The following GLT8D2 variants were observed in gnomAD, a reference collection of about 807,000 sequenced individuals.
GLT8D2 encodes the protein glycosyltransferase 8 domain-containing protein 2.
A neutral mutation model predicts 44.5 loss-of-function variants in GLT8D2; 45 were observed. That is an observed-to-expected ratio of 1.01 (90% CI 0.80 to 1.30). GLT8D2 has a LOEUF of 1.30. GLT8D2 is among the 50% of genes most tolerant of loss of function. The probability of loss-of-function intolerance (pLI) is 0.00; values close to 1 mark genes in which losing one functional copy is unlikely to be tolerated. For missense variants in GLT8D2, 400 were observed against 430.4 expected, an observed-to-expected ratio of 0.93 and a Z score of 0.62; for synonymous variants, 156 against 157.2, an observed-to-expected ratio of 0.99 and a Z score of 0.06.
chr12:103,996,870 G>A (rs113971087), intron 7 of GLT8D2, 23 bp from the exon 8 acceptor site: 25 of 1,535,256 alleles, frequency 1.6e-5, no homozygotes, highest in African/African-American at 9.5e-5. Context: ...ACACCACCAA[G>A]TAAAACATTA....
Position 104,008,281 on chromosome 12 carries a change from AG to A in GLT8D2, c.113-4976del, listed in dbSNP as rs373385931. ...GACATGGACAATAAGGTTCAGGGTGAGGTGGCCTCAGATGTAGATGAGGAAC... is the reference window on the plus strand; with the variant it reads ...GACATGGACAATAAGGTTCAGGGTGAGTGGCCTCAGATGTAGATGAGGAAC... On this transcript the variant is annotated intron_variant, in intron 4 of 10. Coordinates refer to ENST00000360814, the MANE Select transcript of GLT8D2 (RefSeq NM_001384711.1). 1.8e-3 allele frequency among the ~76,000 whole-genome samples: 267 copies of A among 152,292 alleles called. 1 individual carries two copies. Among genetic ancestry groups the A allele is most frequent in the African/African-American group, 6.2e-3 (259 of 41,558 alleles).
At chr12:104,038,239 C>G (rs1880126778) in intron 1 of GLT8D2, among the ~76,000 whole-genome samples, 1 of 152,146 alleles carries the variant, frequency 6.6e-6, no homozygotes, top group African/African-American at 2.4e-5. Flanking sequence ...TGGCACAAGA[C>G]AGGGATGCCC....
In GLT8D2 at chr12:104,012,605, T is replaced by C. The variant is rs1876011159; in HGVS notation, c.112+2408A>G. The C allele has an allele frequency of 1.8e-5, 8 of 453,800 alleles. No homozygotes were observed. In the South Asian group the frequency reaches 2.3e-4, roughly 13 times the overall value. The allele number at this position is 453,800 out of a possible 1,614,324, so 28.1% of individuals were successfully genotyped here. ...GCATGAAGAGTGGAGTCAGTTCAGATGACATTTGTCTTTATGTGACTTCCT... is the reference window on the plus strand; with the variant it reads ...GCATGAAGAGTGGAGTCAGTTCAGACGACATTTGTCTTTATGTGACTTCCT... On this transcript the variant is annotated intron_variant, in intron 4 of 10. Coordinates refer to ENST00000360814, the MANE Select transcript of GLT8D2 (RefSeq NM_001384711.1).
rs1232659471 is a variant in GLT8D2, at chr12:103,992,491, CT to C, written c.880+900del. ...GTGAAAGTTCTCTCTCTCTCTCTCT[CT>C]TTTTTTTTTTTTTTTTTGAGATAGA... On this transcript the variant is annotated intron_variant, in intron 10 of 10. Transcript: ENST00000360814. Among the ~76,000 whole-genome samples, 542 of 129,942 alleles carry C rather than the reference CT, an allele frequency of 4.2e-3. 1 individual carries two copies. Among genetic ancestry groups the C allele is most frequent in the African/African-American group, 0.011 (375 of 34,964 alleles). 85.2% of individuals were successfully genotyped at this position (129,942 alleles called of 152,430 possible). A position where few individuals can be genotyped will look rare whatever the true frequency, so the allele number is the denominator to read the frequency against.
chr12:104,021,936 GAAGAAGAAGAAGAA>G (rs1566202458), intron 1 of GLT8D2, among the ~76,000 whole-genome samples: 518 of 25,590 alleles, frequency 0.02, 41 homozygotes, highest in East Asian at 0.14. Context: ...AGAAGAAGAA[GAAGAAGAAGAAGAA>G]GAAGAGGAAG....
At chr12:104,024,472 T>A (rs991478069) in intron 1 of GLT8D2, among the ~76,000 whole-genome samples, 12 of 152,132 alleles carry the variant, frequency 7.9e-5, no homozygotes, top group African/African-American at 2.9e-4. Flanking sequence ...TGACAATCTT[T>A]TTTCCTGAGT....
intron 3 of GLT8D2, among the ~76,000 whole-genome samples, chr12:104,016,700 AAAGG>A (rs752348410): frequency 1.9e-5 from 2 of 103,932 alleles, no homozygotes; most frequent in Non-Finnish European, 4.4e-5. Flanking sequence ...AGAAAGAAAG[AAAGG>A]GAGAGAGAAA....
At chr12:104,050,818 CTT>C (rs34098361), upstream of GLT8D2, among the ~76,000 whole-genome samples, 2 of 144,398 alleles carry the variant, frequency 1.4e-5, no homozygotes, top group Non-Finnish European at 1.5e-5. Context: ...TGTAATTTTA[CTT>C]TTTTTTTTTT....
At chr12:104,005,612 A>G (rs960162149) in intron 4 of GLT8D2, among the ~76,000 whole-genome samples, 4 of 152,174 alleles carry the variant, frequency 2.6e-5, no homozygotes, top group South Asian at 2.1e-4. Flanking sequence ...CATTTATGCA[A>G]CCAACAGACA....
chr12:104,057,436 G>A (rs968508687), intron 1 of GLT8D2, among the ~76,000 whole-genome samples: 10 of 152,004 alleles, frequency 6.6e-5, no homozygotes, highest in African/African-American at 1.9e-4. Flanking sequence ...TGGGAGGATC[G>A]CTTTAGCCTG....
At chr12:104,064,417 C>G (rs1156817330), upstream of GLT8D2, 2 of 737,544 alleles carry the variant, frequency 2.7e-6, no homozygotes, top group African/African-American at 3.7e-5. This position sits in a 1 kb window ranked among gnomAD's most constrained non-coding sequence, Gnocchi z 7.3. Flanking sequence ...CGTCTCTCCA[C>G]TGCCCGCGGG....
intron 3 of GLT8D2, among the ~76,000 whole-genome samples, chr12:104,016,846 G>GAAAGAAAGAA (rs1246333268): frequency 6.8e-6 from 1 of 147,582 alleles, no homozygotes; most frequent in Non-Finnish European, 1.5e-5. Context: ...AAGAAAGAAA[G>GAAAGAAAGAA]AAAGAAAGAA....
At chr12:104,059,418 T>C (rs7961041) in intron 1 of GLT8D2, among the ~76,000 whole-genome samples, 34,530 of 151,962 alleles carry the variant, frequency 0.23, 4,948 homozygotes, top group East Asian at 0.48. Context: ...TGGTCCAAGA[T>C]GGCTGCTCCA....
chr12:103,997,678 C>T (rs1873630577), intron 6 of GLT8D2, 143 bp from the exon 7 acceptor site: 2 of 621,646 alleles, frequency 3.2e-6, no homozygotes, highest in African/African-American at 1.8e-5. Context: ...AGCAAGATGT[C>T]TCATCTGAGC....
chr12:104,041,388 T>A (rs56090409), intron 1 of GLT8D2, among the ~76,000 whole-genome samples: 6 of 152,078 alleles, frequency 3.9e-5, no homozygotes, highest in Non-Finnish European at 8.8e-5. Flanking sequence ...CACTCCAGCC[T>A]GGGCGACAGA....
intron 1 of GLT8D2, among the ~76,000 whole-genome samples, chr12:104,041,212 G>A (rs1340077434): frequency 6.6e-6 from 1 of 152,140 alleles, no homozygotes; most frequent in Non-Finnish European, 1.5e-5. Flanking sequence ...TCAGGAGTTC[G>A]AGACCAGCCT....
upstream of GLT8D2, among the ~76,000 whole-genome samples, chr12:104,053,316 G>A (rs185664997): frequency 2.0e-5 from 3 of 152,298 alleles, no homozygotes; most frequent in Admixed American, 6.5e-5. Flanking sequence ...CCAAGGATGC[G>A]ATAGGCTTGT....
intron 6 of GLT8D2, 52 bp from the exon 7 acceptor site, chr12:103,997,587 G>T: frequency 7.9e-7 from 1 of 1,270,600 alleles, no homozygotes; most frequent in Non-Finnish European, 1.2e-6. Flanking sequence ...ATGGCTTAGT[G>T]TCTTCTGGGG....
At chr12:104,010,412 T>C (rs1303083948) in intron 4 of GLT8D2, among the ~76,000 whole-genome samples, 1 of 152,258 alleles carries the variant, frequency 6.6e-6, no homozygotes, top group Non-Finnish European at 1.5e-5. Flanking sequence ...AATGCAGTAC[T>C]GACATCAGAT....
Sources: allele counts gnomAD v4.1 joint callset (sites outside exome capture counted in the v4.1 genomes callset), GRCh38; gene constraint gnomAD v4.1.1; non-coding constraint Gnocchi (gnomAD v3.1); transcripts MANE v1.5; gene names NCBI Gene and HGNC (gene_info 2026-07-23, HGNC 2026-07-21).